CC2D1A: variants seen among roughly 807,000 people sequenced by gnomAD.
The protein encoded by CC2D1A is coiled-coil and C2 domain-containing protein 1A.
A neutral mutation model predicts 123.8 loss-of-function variants in CC2D1A; 68 were observed. That is an observed-to-expected ratio of 0.55 (90% CI 0.45 to 0.67). The LOEUF is 0.67. Ranked by LOEUF, CC2D1A falls within the 30% of genes least tolerant of loss-of-function variation. The pLI, the probability that CC2D1A is intolerant of heterozygous loss-of-function variation, is 0.00. For missense variants in CC2D1A, 1,185 were observed against 1,290.3 expected (o/e 0.92, Z 1.25); for synonymous variants, 477 against 528.0 (o/e 0.90, Z 1.32).
Position 13,925,918 on chromosome 19 carries a change from TAAAAAAA to T in CC2D1A, c.1941-589_1941-583del, listed in dbSNP as rs34627490. On this transcript the variant is annotated intron_variant, in intron 17 of 28. Transcript: ENST00000318003. ...CTGGGCGACAGAGCAAGACTCTGTC[TAAAAAAA>T]AAAAAAAAATATATATATATATATA... Among the ~76,000 whole-genome samples the T allele has an allele frequency of 9.8e-4, 54 of 55,262 alleles. 1 individual carries two copies. Among genetic ancestry groups the T allele is most frequent in the African/African-American group, 3.9e-3 (50 of 12,834 alleles). 36.3% of individuals were successfully genotyped at this position (55,262 alleles called of 152,430 possible).
intron 24 of CC2D1A, among the ~76,000 whole-genome samples, 182 bp from the exon 25 acceptor site, chr19:13,929,197 G>A (rs1456953676): frequency 6.6e-6 from 1 of 151,618 alleles, no homozygotes; most frequent in African/African-American, 2.4e-5. Context: ...AGTAGAGACG[G>A]GGTTTCACCA....
At chr19:13,925,972 ATGTGTATATATATATACATATATGTG>A (rs1971594697) in intron 17 of CC2D1A, among the ~76,000 whole-genome samples, 2 of 105,392 alleles carry the variant, frequency 1.9e-5, no homozygotes, top group African/African-American at 9.0e-5. Context: ...ACGTATATAT[ATGTGTATATATATATACATATATGTG>A]TGTATATATA....
chr19:13,907,542 G>A (rs1372123118), intron 1 of CC2D1A, among the ~76,000 whole-genome samples: 2 of 151,892 alleles, frequency 1.3e-5, no homozygotes, highest in African/African-American at 2.4e-5. Flanking sequence ...GCATGGTGGC[G>A]GGCACCTGTA....
chr19:13,927,535 T>C, intron 22 of CC2D1A: 1 of 485,990 alleles, frequency 2.1e-6, no homozygotes, highest in Non-Finnish European at 3.8e-6. Context: ...TCCCAGCACT[T>C]TGGGAGGCTG....
intron 6 of CC2D1A, among the ~76,000 whole-genome samples, chr19:13,915,457 C>T (rs1380058183): frequency 6.6e-6 from 1 of 152,146 alleles, no homozygotes; most frequent in Admixed American, 6.5e-5. Context: ...TGTTGCTGCC[C>T]AGGCTGGTCT....
intron 1 of CC2D1A, among the ~76,000 whole-genome samples, chr19:13,908,077 C>T (rs1052397513): frequency 2.6e-5 from 4 of 152,134 alleles, no homozygotes; most frequent in Non-Finnish European, 5.9e-5. Flanking sequence ...GCAATCTCGG[C>T]CCACTGCAAC....
intron 17 of CC2D1A, among the ~76,000 whole-genome samples, chr19:13,926,027 TGTATATATATATATATACAC>T (rs202128211): frequency 0.069 from 7,179 of 103,378 alleles, 282 homozygotes; most frequent in South Asian, 0.12. Context: ...TATATATATG[TGTATATATATATATATACAC>T]GTATATATAT....
chr19:13,911,355 T>C (rs1037844700), intron 2 of CC2D1A, among the ~76,000 whole-genome samples: 6 of 152,196 alleles, frequency 3.9e-5, no homozygotes, highest in African/African-American at 1.2e-4. Context: ...TAACAAGATA[T>C]TGGCAATATG....
At position 13,906,568 on chromosome 19, in the gene CC2D1A, G is replaced by A. The variant is rs924905967; in HGVS notation, c.60+67G>A. 5.5e-6 allele frequency: 6 copies of A among 1,087,576 alleles called. No homozygotes were observed. Among genetic ancestry groups the A allele is most frequent in the Non-Finnish European group, 1.2e-6 (1 of 800,166 alleles). 67.4% of individuals were successfully genotyped at this position (1,087,576 alleles called of 1,614,324 possible). A position where few individuals can be genotyped will look rare whatever the true frequency, so the allele number is the denominator to read the frequency against. On this transcript the variant is annotated intron_variant, in intron 1 of 28. Transcript: ENST00000318003. This position sits in a 1 kb window ranked among gnomAD's most constrained non-coding sequence, Gnocchi z 4.1. Reference sequence around the variant, plus strand: ...ACCCCCGTCACTCGCTCAGGGAAGGGCCCCACCCCCCAGGGAAGCCCGATC... The same window carrying A: ...ACCCCCGTCACTCGCTCAGGGAAGGACCCCACCCCCCAGGGAAGCCCGATC...
intron 12 of CC2D1A, chr19:13,920,154 G>A: frequency 1.8e-6 from 1 of 542,442 alleles, no homozygotes; most frequent in East Asian, 3.2e-5. Context: ...GGGAGACTGA[G>A]GTGGGAGGAT....
At position 13,917,672 on chromosome 19, in the gene CC2D1A, G is replaced by A. The variant is rs548023071; in HGVS notation, c.749-398G>A. Among the ~76,000 whole-genome samples the A allele has an allele frequency of 2.6e-5, 4 of 152,004 alleles. No individual in the cohort carries two copies. In the Middle Eastern group the frequency reaches 0.01, roughly 388 times the overall value. On this transcript the variant is annotated intron_variant, in intron 6 of 28. Transcript: ENST00000318003. ...CACTCCAGTCTGGGCAACAGAGCAA[G>A]ACCCAGTCTCAAAAAATACATTAAA...
At chr19:13,927,138 C>G (rs759413921) in intron 21 of CC2D1A, 37 bp from the exon 22 acceptor site, 1 of 1,611,250 alleles carries the variant, frequency 6.2e-7, no homozygotes, top group South Asian at 1.1e-5. Flanking sequence ...TCCTCTGAAC[C>G]AACCATCCTG....
At chr19:13,927,694 C>T (rs772522957) in intron 22 of CC2D1A, 199 bp from the exon 23 acceptor site, 27 of 610,680 alleles carry the variant, frequency 4.4e-5, no homozygotes, top group Admixed American at 1.6e-4. Context: ...AGGAGAATGG[C>T]GTAAGTAAAC....
chr19:13,924,257 A>G (rs1439288134), intron 17 of CC2D1A, among the ~76,000 whole-genome samples: 1 of 151,626 alleles, frequency 6.6e-6, no homozygotes, highest in African/African-American at 2.4e-5. Context: ...TGCAAGCTCC[A>G]CCTCCTGGAT....
At position 13,913,473 on chromosome 19, in the gene CC2D1A, G is replaced by A; in HGVS notation, c.583G>A (p.Val195Met). Residue 195 changes from valine to methionine, a missense_variant, in exon 6 of 29, where the codon GTG becomes ATG. Physicochemically the swap from Val to Met is conservative, Grantham distance 21 (BLOSUM62 1). Coordinates refer to ENST00000318003, the MANE Select transcript of CC2D1A (RefSeq NM_017721.5). ...AIDEADIPPP[V>M]AIGKGPASTP... ...TGACGAAGCGGACATCCCGCCGCCA[G>A]TGGCCATAGGAAAAGGCCCGGCGTC... The A allele has an allele frequency of 6.2e-7, 1 of 1,614,218 alleles. No homozygotes were observed. The highest frequency in any genetic ancestry group is 8.5e-7 in the Non-Finnish European group (1 of 1,180,046).
In CC2D1A at chr19:13,923,770, G is replaced by T; in HGVS notation, c.1899G>T (p.Thr633=). ...LKQAFVRGLP[T]PTARFEQRTF... ...AAGCCTTCGTCCGGGGTCTCCCCAC[G>T]CCCACCGCCCGCTTTGAGCAAAGGA... Residue 633 remains threonine (T), a synonymous_variant, in exon 17 of 29, where the codon ACG becomes ACT. Coordinates refer to ENST00000318003, the MANE Select transcript of CC2D1A (RefSeq NM_017721.5). The surrounding 1 kb of genome is among the most constrained non-coding windows in gnomAD (Gnocchi z 5.3). The T allele has an allele frequency of 6.2e-7, 1 of 1,614,108 alleles. No homozygotes were observed. Among genetic ancestry groups the T allele is most frequent in the East Asian group, 2.2e-5 (1 of 44,892 alleles).
Position 13,926,882 on chromosome 19 carries a change from G to C in CC2D1A, c.2125+10G>C. 9 of 1,613,940 alleles carry C rather than the reference G, an allele frequency of 5.6e-6. No individual in the cohort carries two copies. The highest frequency in any genetic ancestry group is 7.6e-6 in the Non-Finnish European group (9 of 1,179,938). On this transcript the variant is annotated intron_variant, in intron 20 of 28. Coordinates refer to ENST00000318003, the MANE Select transcript of CC2D1A (RefSeq NM_017721.5). ...AACACAGACTCCCCTGGTGAGCCTC[G>C]GCTGGAAGCACCCTACCCCTACTCC...
chr19:13,913,238 C>T lies in CC2D1A; in HGVS notation c.449C>T (p.Ala150Val), dbSNP rs1250660719. The T allele has an allele frequency of 6.2e-7, 1 of 1,613,600 alleles. No individual in the cohort carries two copies. Among genetic ancestry groups the T allele is most frequent in the Non-Finnish European group, 8.5e-7 (1 of 1,179,922 alleles). ...LQERLALYQTAIESARQAGDS... is the reference protein window; with the variant it reads ...LQERLALYQTVIESARQAGDS... The stretch of plus-strand genomic sequence containing the variant: ...GAGAGGCTGGCGCTCTATCAGACAG[C>T]AATTGAAAGCGCCAGACAAGCTGGA... Residue 150 changes from alanine to valine, a missense_variant, in exon 5 of 29, where the codon GCA (alanine) becomes GTA (valine). Transcript: ENST00000318003.
At chr19:13,925,574 C>CAA (rs113314879) in intron 17 of CC2D1A, among the ~76,000 whole-genome samples, 1 of 143,506 alleles carries the variant, frequency 7.0e-6, no homozygotes, top group African/African-American at 2.6e-5. Context: ...GAGACTGTCT[C>CAA]AAAAAAAAAA....
Sources: allele counts gnomAD v4.1 joint callset (sites outside exome capture counted in the v4.1 genomes callset), GRCh38; gene constraint gnomAD v4.1.1; non-coding constraint Gnocchi (gnomAD v3.1); transcripts MANE v1.5; gene names NCBI Gene and HGNC (gene_info 2026-07-23, HGNC 2026-07-21).